TMEM131L: variants seen among roughly 807,000 people sequenced by gnomAD.
TMEM131L encodes the protein transmembrane protein 131-like.
A neutral mutation model predicts 192.2 loss-of-function variants in TMEM131L; 54 were observed. That is an observed-to-expected ratio of 0.28 (90% CI 0.23 to 0.35). The LOEUF (loss-of-function observed/expected upper bound fraction) is 0.35. Among genes scored for constraint, TMEM131L ranks in the 10% least tolerant of loss-of-function variants. TMEM131L has a pLI of 1.00. For synonymous variants in TMEM131L, 701 were observed against 704.9 expected (o/e 0.99, Z 0.09); for missense variants, 1,888 against 1,972.9 (o/e 0.96, Z 0.82).
chr4:153,578,696 A>G (rs558354907), intron 7 of TMEM131L, among the ~76,000 whole-genome samples: 3 of 151,864 alleles, frequency 2.0e-5, no homozygotes, highest in Non-Finnish European at 4.4e-5. Flanking sequence ...AATTTTTTGT[A>G]TTTTTAGTAG....
At chr4:153,633,041 A>C (rs372908151) in intron 32 of TMEM131L, among the ~76,000 whole-genome samples, 53 of 152,160 alleles carry the variant, frequency 3.5e-4, no homozygotes, top group African/African-American at 1.2e-3. Context: ...TAAAAGAAAG[A>C]AAGCTGGTGA....
Position 153,587,747 on chromosome 4 carries a change from G to T in TMEM131L, c.1488G>T (p.Gly496=). Residue 496 remains glycine, a synonymous_variant, in exon 15 of 35, where the codon GGG becomes GGT. Coordinates refer to ENST00000409959, the MANE Select transcript of TMEM131L (RefSeq NM_001131007.2). ...LQIYSAPTKE[G]SLGFEVIAHC... ...TATATTACTTTTCAATCTAGGAAGG[G>T]AGTCTGGGTTTTGAAGTGATAGCAC... 6.2e-7 allele frequency: 1 copy of T among 1,607,580 alleles called. No homozygotes were observed. Among genetic ancestry groups the T allele is most frequent in the South Asian group, 1.1e-5 (1 of 90,956 alleles).
At position 153,598,722 on chromosome 4, in the gene TMEM131L, C is replaced by G. The variant is rs771042280; in HGVS notation, c.2256C>G (p.Asp752Glu). Reference protein sequence around the residue: ...RFKVPESTLMDCRRQLKDSKQ... With the variant: ...RFKVPESTLMECRRQLKDSKQ... ...AGGTGCCCGAGTCCACGCTGATGGACTGCCGTAGACGTGAGTTCATATGTG... is the reference window on the plus strand; with the variant it reads ...AGGTGCCCGAGTCCACGCTGATGGAGTGCCGTAGACGTGAGTTCATATGTG... The change falls in exon 21 of 35, where the codon GAC becomes GAG. Residue 752 changes from aspartate to glutamate, a missense_variant. Physicochemically the swap from Asp to Glu is conservative, Grantham distance 45 (BLOSUM62 2). Transcript: ENST00000409959. 8 of 1,613,474 alleles carry G rather than the reference C, an allele frequency of 5.0e-6. No homozygotes were observed.
chr4:153,466,851 C>A (rs1381983182), intron 1 of TMEM131L, among the ~76,000 whole-genome samples: 1 of 152,110 alleles, frequency 6.6e-6, no homozygotes, highest in East Asian at 1.9e-4. Flanking sequence ...CGCAGCGGCC[C>A]GGCTTCCTGC....
chr4:153,499,543 C>T (rs191727388), intron 3 of TMEM131L, among the ~76,000 whole-genome samples: 203 of 152,074 alleles, frequency 1.3e-3, no homozygotes, highest in Non-Finnish European at 2.4e-3. Flanking sequence ...TCTCCTGCCT[C>T]AGCCTCCCAA....
intron 31 of TMEM131L, 144 bp from the exon 32 acceptor site, chr4:153,632,574 C>T (rs1734286931): frequency 1.2e-6 from 1 of 820,760 alleles, no homozygotes; most frequent in Non-Finnish European, 1.9e-6. Context: ...AGAATTATAT[C>T]CTGAAATTAT....
chr4:153,627,838 G>A, intron 31 of TMEM131L, 151 bp downstream of exon 31: 1 of 631,344 alleles, frequency 1.6e-6, no homozygotes, highest in East Asian at 2.9e-5. Context: ...TCATACATCA[G>A]GAAGGCACCT....
At position 153,556,658 on chromosome 4, in the gene TMEM131L, T is replaced by C. The variant is rs187290893; in HGVS notation, c.433-308T>C. On this transcript the variant is annotated intron_variant, in intron 5 of 34. Transcript: ENST00000409959. ...GTTATTGTCTATATTTAAGTAGAGA[T>C]AGAACTGTGTTAGCTAAAGACAGTT... Among the ~76,000 whole-genome samples, 330 of 152,286 alleles carry C rather than the reference T, an allele frequency of 2.2e-3. 1 individual carries two copies. The highest frequency in any genetic ancestry group is 7.2e-3 in the African/African-American group (299 of 41,562).
intron 7 of TMEM131L, among the ~76,000 whole-genome samples, chr4:153,563,021 A>G (rs1286079548): frequency 6.6e-6 from 1 of 152,202 alleles, no homozygotes; most frequent in Non-Finnish European, 1.5e-5. Context: ...TCTGCCTTAC[A>G]TATGGGTCTA....
intron 2 of TMEM131L, among the ~76,000 whole-genome samples, chr4:153,472,191 C>T (rs955750972): frequency 9.9e-5 from 15 of 152,032 alleles, no homozygotes; most frequent in African/African-American, 3.6e-4. Context: ...GAAATTGAGG[C>T]ACAGAACAGC....
chr4:153,602,508 T>G, intron 22 of TMEM131L, 34 bp from the exon 23 acceptor site: 1 of 1,606,374 alleles, frequency 6.2e-7, no homozygotes. Flanking sequence ...TCAAAACAAT[T>G]AAAAGTTCAT....
intron 3 of TMEM131L, among the ~76,000 whole-genome samples, chr4:153,512,142 G>A (rs929597044): frequency 3.3e-5 from 5 of 152,194 alleles, no homozygotes; most frequent in Non-Finnish European, 5.9e-5. Context: ...CGGTTGTGGG[G>A]ATGGCTATGG....
intron 3 of TMEM131L, among the ~76,000 whole-genome samples, chr4:153,511,051 A>G (rs1734320319): frequency 6.6e-6 from 1 of 152,238 alleles, no homozygotes; most frequent in African/African-American, 2.4e-5. Flanking sequence ...ACTTAGTTCA[A>G]CCACTGTGGA....
At chr4:153,603,689 G>A (rs923716133) in intron 24 of TMEM131L, 113 bp from the exon 25 acceptor site, 50 of 1,239,412 alleles carry the variant, frequency 4.0e-5, no homozygotes, top group Non-Finnish European at 5.4e-5. Flanking sequence ...AGAAGGGAAG[G>A]TAAAACTTAC....
chr4:153,545,127 A>G (rs1215827709), intron 3 of TMEM131L, among the ~76,000 whole-genome samples: 1 of 152,136 alleles, frequency 6.6e-6, no homozygotes, highest in Non-Finnish European at 1.5e-5. Context: ...CTGGGCATCT[A>G]CATGCTTTTG....
At chr4:153,469,257 C>T (rs1730982993) in intron 2 of TMEM131L, among the ~76,000 whole-genome samples, 1 of 150,376 alleles carries the variant, frequency 6.6e-6, no homozygotes, top group Admixed American at 6.6e-5. Flanking sequence ...CATATCTCTA[C>T]GTATACCTTT....
chr4:153,543,734 G>A (rs761624413), intron 3 of TMEM131L, among the ~76,000 whole-genome samples: 39 of 152,222 alleles, frequency 2.6e-4, no homozygotes, highest in Non-Finnish European at 4.6e-4. Flanking sequence ...GAGGAAGATG[G>A]TGGTTGACTA....
chr4:153,467,990 C>T (rs1191268828), intron 2 of TMEM131L, among the ~76,000 whole-genome samples: 2 of 152,128 alleles, frequency 1.3e-5, no homozygotes, highest in African/African-American at 4.8e-5. Flanking sequence ...TGCCTTTCAC[C>T]AGTAACGGTA....
chr4:153,541,698 G>T lies in TMEM131L; in HGVS notation c.240-8375G>T, dbSNP rs111717007. Reference sequence around the variant, plus strand: ...ACAGAAACCAAACTTTGGCTGATTTGAGCTGAAAAGATGTTGGGCAGCTGA... The same window carrying T: ...ACAGAAACCAAACTTTGGCTGATTTTAGCTGAAAAGATGTTGGGCAGCTGA... On this transcript the variant is annotated intron_variant, in intron 3 of 34. Coordinates refer to ENST00000409959, the MANE Select transcript of TMEM131L (RefSeq NM_001131007.2). Among the ~76,000 whole-genome samples, 243 of 152,316 alleles carry T rather than the reference G, an allele frequency of 1.6e-3. 1 individual carries two copies. Among genetic ancestry groups the T allele is most frequent in the Middle Eastern group, 6.8e-3 (2 of 294 alleles).
Sources: allele counts gnomAD v4.1 joint callset (sites outside exome capture counted in the v4.1 genomes callset), GRCh38; gene constraint gnomAD v4.1.1; transcripts MANE v1.5; gene names NCBI Gene and HGNC (gene_info 2026-07-23, HGNC 2026-07-21).